SUMF1: variants seen among roughly 807,000 people sequenced by gnomAD.
SUMF1 encodes the protein sulfatase modifying factor 1, also known as formylglycine-generating enzyme.
SUMF1 carries 48 observed loss-of-function variants against 47.6 expected under a neutral mutation model. The ratio of observed to expected loss-of-function variants is 1.01; its 90% CI spans 0.80 to 1.28. SUMF1 has a LOEUF of 1.28. SUMF1 is among the 50% of genes most tolerant of loss of function. The pLI is 0.00. For missense variants in SUMF1, 571 were observed against 485.4 expected (o/e 1.18, Z -1.66); for synonymous variants, 230 against 192.1 (o/e 1.20, Z -1.63).
chr3:4,282,001 G>A (rs1253739481), intron 8 of SUMF1, among the ~76,000 whole-genome samples: 1 of 152,114 alleles, frequency 6.6e-6, no homozygotes, highest in African/African-American at 2.4e-5. Context: ...TTAGAAGCTG[G>A]CTTAAGTCTT....
chr3:4,166,759 C>CT (rs1349588271), intron 8 of SUMF1, among the ~76,000 whole-genome samples: 2 of 152,076 alleles, frequency 1.3e-5, no homozygotes, highest in African/African-American at 4.8e-5. Flanking sequence ...GGCCAACCAA[C>CT]TTTTTTTCGG....
chr3:4,362,277 G>A (rs762413388), intron 8 of SUMF1, 23 bp from the exon 9 acceptor site: 5 of 1,602,550 alleles, frequency 3.1e-6, no homozygotes, highest in Admixed American at 1.7e-5. Context: ...AAAGAGCAAG[G>A]TAAGTGCTAC....
intron 3 of SUMF1, among the ~76,000 whole-genome samples, chr3:4,430,893 T>C (rs1336356400): frequency 6.6e-6 from 1 of 152,120 alleles, no homozygotes; most frequent in Non-Finnish European, 1.5e-5. Flanking sequence ...GCCACCTGTA[T>C]TACAGGTGTA....
At chr3:4,124,753 C>A (rs758330813) in intron 8 of SUMF1, among the ~76,000 whole-genome samples, 1 of 151,884 alleles carries the variant, frequency 6.6e-6, no homozygotes, top group Non-Finnish European at 1.5e-5. Context: ...CAATACCTAC[C>A]TACAAAGAAT....
chr3:4,353,165 G>C (rs978480958), intron 8 of SUMF1, among the ~76,000 whole-genome samples: 2 of 152,238 alleles, frequency 1.3e-5, no homozygotes, highest in Non-Finnish European at 2.9e-5. Flanking sequence ...TCAAGAGCTG[G>C]AGGCAGGAGG....
chr3:4,275,447 G>A (rs1043497728), intron 8 of SUMF1, among the ~76,000 whole-genome samples: 5 of 152,082 alleles, frequency 3.3e-5, no homozygotes, highest in African/African-American at 1.2e-4. Flanking sequence ...AGGCAGAAGA[G>A]GGATGGTCTC....
intron 7 of SUMF1, among the ~76,000 whole-genome samples, chr3:4,395,643 G>C (rs1701016316): frequency 6.6e-6 from 1 of 152,104 alleles, no homozygotes; most frequent in African/African-American, 2.4e-5. Flanking sequence ...TACCATTTTA[G>C]TGAAATGAAT....
At position 4,117,071 on chromosome 3, in the gene SUMF1, T is replaced by C. The variant is rs528962162; in HGVS notation, c.1015-48326A>G. Among the ~76,000 whole-genome samples, 4 of 152,290 alleles carry C rather than the reference T, an allele frequency of 2.6e-5. 1 individual carries two copies. Among genetic ancestry groups the C allele is most frequent in the South Asian group, 4.1e-4 (2 of 4,824 alleles). Reference sequence around the variant, plus strand: ...TATGTTTACTGACACAAGATATTCATAATATTTTATAGAAGTGTAGATAAT... The same window carrying C: ...TATGTTTACTGACACAAGATATTCACAATATTTTATAGAAGTGTAGATAAT... On this transcript the variant is annotated intron_variant and NMD_transcript_variant, in intron 8 of 12. Transcript: ENST00000448413.
At chr3:4,230,947 G>C (rs887125363) in intron 8 of SUMF1, among the ~76,000 whole-genome samples, 1 of 152,070 alleles carries the variant, frequency 6.6e-6, no homozygotes, top group African/African-American at 2.4e-5. Context: ...TTTGAAAAAA[G>C]TCTATGCTTT....
At chr3:4,395,204 T>C (rs1026109125) in intron 7 of SUMF1, among the ~76,000 whole-genome samples, 1 of 152,154 alleles carries the variant, frequency 6.6e-6, no homozygotes, top group African/African-American at 2.4e-5. Context: ...TCCATCACAC[T>C]GTGGCACCTG....
intron 8 of SUMF1, among the ~76,000 whole-genome samples, chr3:4,242,968 T>A (rs1040922983): frequency 6.6e-6 from 1 of 152,228 alleles, no homozygotes; most frequent in Non-Finnish European, 1.5e-5. Flanking sequence ...TATTGGTCTA[T>A]TCAGAGATTC....
At chr3:4,110,891 T>C (rs1488938132) in intron 8 of SUMF1, among the ~76,000 whole-genome samples, 1 of 150,300 alleles carries the variant, frequency 6.7e-6, no homozygotes. Context: ...ATACCTAATG[T>C]TAAATGACGA....
chr3:4,290,555 C>T (rs1318156508), intron 8 of SUMF1, among the ~76,000 whole-genome samples: 1 of 152,164 alleles, frequency 6.6e-6, no homozygotes, highest in Non-Finnish European at 1.5e-5. Flanking sequence ...GCTGTTCATG[C>T]TTTTCCCTTC....
chr3:4,248,952 A>T (rs189165448), intron 8 of SUMF1, among the ~76,000 whole-genome samples: 10 of 152,194 alleles, frequency 6.6e-5, no homozygotes, highest in Non-Finnish European at 1.3e-4. Flanking sequence ...ACACAAACAG[A>T]CCACCAGTGG....
At chr3:4,380,582 T>A (rs992230181) in intron 7 of SUMF1, among the ~76,000 whole-genome samples, 13 of 151,896 alleles carry the variant, frequency 8.6e-5, no homozygotes, top group Non-Finnish European at 1.9e-4. Context: ...AAAATGAAAG[T>A]TGGAAAGAAA....
intron 8 of SUMF1, among the ~76,000 whole-genome samples, chr3:4,139,580 GTATA>G (rs1227170864): frequency 2.1e-5 from 3 of 143,684 alleles, no homozygotes; most frequent in African/African-American, 5.0e-5. Flanking sequence ...GTGTGTGTGT[GTATA>G]TATATACACA....
At chr3:4,069,500 T>C (rs557334258) in intron 8 of SUMF1, among the ~76,000 whole-genome samples, 1 of 152,286 alleles carries the variant, frequency 6.6e-6, no homozygotes, top group South Asian at 2.1e-4. Flanking sequence ...GAGATACAGG[T>C]AACATGCAAT....
At chr3:4,423,078 G>A (rs1369109055) in intron 3 of SUMF1, among the ~76,000 whole-genome samples, 1 of 152,198 alleles carries the variant, frequency 6.6e-6, no homozygotes, top group African/African-American at 2.4e-5. Flanking sequence ...ATAATGGAAA[G>A]AGCGTGGAGA....
intron 8 of SUMF1, among the ~76,000 whole-genome samples, chr3:4,072,713 C>A (rs940050905): frequency 6.6e-6 from 1 of 151,948 alleles, no homozygotes; most frequent in African/African-American, 2.4e-5. Flanking sequence ...CTGATTCGAT[C>A]AAGCAGAACA....
Sources: allele counts gnomAD v4.1 joint callset (sites outside exome capture counted in the v4.1 genomes callset), GRCh38; gene constraint gnomAD v4.1.1; transcripts MANE v1.5; gene names NCBI Gene and HGNC (gene_info 2026-07-23, HGNC 2026-07-21).